Variants in RELN observed in about 807,000 individuals in gnomAD.
RELN encodes the protein reelin.
In RELN, 108 loss-of-function variants were observed where a neutral mutation model predicts 427.6. The ratio of observed to expected loss-of-function variants is 0.25; its 90% CI spans 0.22 to 0.30. The LOEUF is 0.30. RELN is among the 10% of genes least tolerant of loss of function. RELN has a pLI of 1.00. For missense variants in RELN, 3,715 were observed against 4,302.8 expected, an observed-to-expected ratio of 0.86 and a Z score of 3.82; for synonymous variants, 1,524 against 1,513.4, an observed-to-expected ratio of 1.01 and a Z score of -0.16.
At chr7:103,693,933 C>T (rs1833924551) in intron 10 of RELN, among the ~76,000 whole-genome samples, 1 of 152,118 alleles carries the variant, frequency 6.6e-6, no homozygotes, top group African/African-American at 2.4e-5. Flanking sequence ...ACTTTTTCTT[C>T]CTTAAATACA....
At chr7:103,607,291 A>G (rs1831843802) in intron 22 of RELN, among the ~76,000 whole-genome samples, 1 of 152,212 alleles carries the variant, frequency 6.6e-6, no homozygotes, top group African/African-American at 2.4e-5. Flanking sequence ...GCTAATGTTA[A>G]TTAAGAGAAA....
chr7:103,954,499 T>C (rs949700346), intron 1 of RELN, among the ~76,000 whole-genome samples: 12 of 152,080 alleles, frequency 7.9e-5, no homozygotes, highest in African/African-American at 2.7e-4. Context: ...TTTCCTTTAT[T>C]GGGAAAAAGA....
chr7:103,921,615 A>G (rs1370877868), intron 1 of RELN, among the ~76,000 whole-genome samples: 1 of 152,214 alleles, frequency 6.6e-6, no homozygotes, highest in East Asian at 1.9e-4. Context: ...AATGCATCTT[A>G]GATCACATAA....
intron 46 of RELN, 141 bp downstream of exon 46, chr7:103,535,175 C>A (rs1238127853): frequency 1.1e-5 from 9 of 798,876 alleles, no homozygotes; most frequent in Non-Finnish European, 1.9e-5. Context: ...ATTAAGACAG[C>A]CTTAATAATT....
In RELN at chr7:103,620,282, A is replaced by C. The variant is rs1832187442; in HGVS notation, c.2703-8479T>G. On this transcript the variant is annotated intron_variant, in intron 20 of 64. Coordinates refer to ENST00000428762, the MANE Select transcript of RELN (RefSeq NM_005045.4). The surrounding 1 kb of genome is among the most constrained non-coding windows in gnomAD (Gnocchi z 4.1). ...CTCAGTCACGTGGAACTGTGAGTCC[A>C]TTAAATCTCTTTTTCTTTATAAATT... Among the ~76,000 whole-genome samples the C allele has an allele frequency of 6.6e-6, 1 of 152,148 alleles. No individual in the cohort carries two copies. The highest frequency in any genetic ancestry group is 6.5e-5 in the Admixed American group (1 of 15,276).
At chr7:103,602,623 T>C (rs1831699711) in intron 24 of RELN, among the ~76,000 whole-genome samples, 2 of 150,916 alleles carry the variant, frequency 1.3e-5, no homozygotes, top group Non-Finnish European at 3.0e-5. Flanking sequence ...TAAGTGGGAG[T>C]TGAACAATGA....
intron 51 of RELN, among the ~76,000 whole-genome samples, chr7:103,510,391 A>G (rs1829366455): frequency 6.6e-6 from 1 of 152,214 alleles, no homozygotes; most frequent in South Asian, 2.1e-4. Context: ...ACAAGAACAG[A>G]AAACCAAACA....
chr7:103,859,933 T>A (rs1794033939), intron 2 of RELN, among the ~76,000 whole-genome samples: 1 of 152,112 alleles, frequency 6.6e-6, no homozygotes, highest in South Asian at 2.1e-4. Context: ...AAAAAACATG[T>A]TCACAATGAC....
intron 22 of RELN, among the ~76,000 whole-genome samples, chr7:103,607,728 G>C (rs1298401064): frequency 1.3e-5 from 2 of 152,146 alleles, no homozygotes; most frequent in African/African-American, 4.8e-5. Flanking sequence ...GAGGGATCAA[G>C]GTAAATGAAG....
In RELN at chr7:103,920,915, AT is replaced by A. The variant is rs569074181; in HGVS notation, c.227-3731del. Among the ~76,000 whole-genome samples, 133 of 152,278 alleles carry A rather than the reference AT, an allele frequency of 8.7e-4. 1 individual carries two copies. The highest frequency in any genetic ancestry group is 3.4e-3 in the Middle Eastern group (1 of 294). ...AACTTTCATTTTAGAAAACATTTAT[AT>A]TAAAAAGTTGGTGAGGAGAAGAAGA... is the stretch of plus-strand genomic sequence containing the variant. On this transcript the variant is annotated intron_variant, in intron 1 of 64. Transcript: ENST00000428762.
intron 3 of RELN, among the ~76,000 whole-genome samples, chr7:103,794,531 T>A (rs1199855884): frequency 6.6e-6 from 1 of 152,178 alleles, no homozygotes; most frequent in African/African-American, 2.4e-5. Context: ...CATGCATATC[T>A]AAGTTGCAAC....
In RELN at chr7:103,551,938, GGTGT is replaced by G. The variant is rs34506983; in HGVS notation, c.6073-646_6073-643del. Among the ~76,000 whole-genome samples, 70 of 144,810 alleles carry G rather than the reference GGTGT, an allele frequency of 4.8e-4. 1 individual carries two copies. Among genetic ancestry groups the G allele is most frequent in the Middle Eastern group, 3.6e-3 (1 of 280 alleles). On this transcript the variant is annotated intron_variant, in intron 40 of 64. Coordinates refer to ENST00000428762, the MANE Select transcript of RELN (RefSeq NM_005045.4). The stretch of plus-strand genomic sequence containing the variant: ...TAGTTACCTTCTGTGTGTGTGTGTG[GGTGT>G]GTGTGTGTGTGTGTGTGGTAAGAGC...
intron 3 of RELN, among the ~76,000 whole-genome samples, chr7:103,800,624 A>G (rs1792439149): frequency 6.6e-6 from 1 of 152,152 alleles, no homozygotes; most frequent in South Asian, 2.1e-4. Flanking sequence ...AACCATAAAA[A>G]CCCTAGAAGA....
chr7:103,715,230 G>A (rs1382855097), intron 8 of RELN, among the ~76,000 whole-genome samples: 2 of 151,928 alleles, frequency 1.3e-5, no homozygotes, highest in East Asian at 1.9e-4. Flanking sequence ...TGGATATTAA[G>A]GATTAAGAGA....
intron 45 of RELN, among the ~76,000 whole-genome samples, chr7:103,538,545 G>C (rs1320776186): frequency 6.6e-6 from 1 of 152,076 alleles, no homozygotes; most frequent in Admixed American, 6.6e-5. Context: ...ATGATCCACG[G>C]TGGCAAAAAA....
At chr7:103,893,168 T>C (rs554655228) in intron 2 of RELN, among the ~76,000 whole-genome samples, 1 of 152,244 alleles carries the variant, frequency 6.6e-6, no homozygotes, top group South Asian at 2.1e-4. Flanking sequence ...GAAGATGGAA[T>C]GTAAGGATGC....
intron 2 of RELN, among the ~76,000 whole-genome samples, chr7:103,863,352 A>G (rs1417094305): frequency 6.6e-6 from 1 of 152,160 alleles, no homozygotes; most frequent in Non-Finnish European, 1.5e-5. Context: ...CATCTGACCT[A>G]ATCTCCACCT....
At chr7:103,879,023 A>G (rs997792220) in intron 2 of RELN, among the ~76,000 whole-genome samples, 6 of 152,200 alleles carry the variant, frequency 3.9e-5, no homozygotes, top group African/African-American at 1.4e-4. Context: ...AAAGGAAAAC[A>G]GACATGTCTA....
intron 1 of RELN, among the ~76,000 whole-genome samples, chr7:103,952,088 T>G (rs1584396095): frequency 6.6e-6 from 1 of 152,278 alleles, no homozygotes; most frequent in East Asian, 1.9e-4. Flanking sequence ...CATTGTCAAG[T>G]CAGTTCTCAA....
Sources: allele counts gnomAD v4.1 joint callset (sites outside exome capture counted in the v4.1 genomes callset), GRCh38; gene constraint gnomAD v4.1.1; non-coding constraint Gnocchi (gnomAD v3.1); transcripts MANE v1.5; gene names NCBI Gene and HGNC (gene_info 2026-07-23, HGNC 2026-07-21).